CRTC3: variants seen among roughly 807,000 people sequenced by gnomAD.
The protein encoded by CRTC3 is CREB-regulated transcription coactivator 3.
CRTC3 carries 26 observed loss-of-function variants against 74.5 expected under a neutral mutation model. That is an observed-to-expected ratio of 0.35 (90% CI 0.26 to 0.48). CRTC3 has a LOEUF of 0.48. CRTC3 is among the 20% of genes least tolerant of loss of function. CRTC3 has a pLI of 0.99. For synonymous variants in CRTC3, 377 were observed against 325.8 expected, an observed-to-expected ratio of 1.16 and a Z score of -1.69; for missense variants, 760 against 787.3, an observed-to-expected ratio of 0.97 and a Z score of 0.41.
At chr15:90,573,157 G>T (rs1324322964) in intron 2 of CRTC3, among the ~76,000 whole-genome samples, 2 of 152,114 alleles carry the variant, frequency 1.3e-5, no homozygotes, top group Admixed American at 1.3e-4. Context: ...CACACTATTT[G>T]TCTTTTTGTA....
chr15:90,598,111 C>T (rs980157184), intron 3 of CRTC3: 6 of 287,652 alleles, frequency 2.1e-5, no homozygotes, highest in Middle Eastern at 1.1e-3. Flanking sequence ...TCAGGCCTGC[C>T]CCACAAACTG....
intron 2 of CRTC3, among the ~76,000 whole-genome samples, chr15:90,591,059 A>T (rs1967787867): frequency 6.6e-6 from 1 of 151,680 alleles, no homozygotes; most frequent in African/African-American, 2.4e-5. Flanking sequence ...GGTTCAAGTG[A>T]TCCTCCTGCC....
At chr15:90,607,115 C>T (rs1313419827) in intron 5 of CRTC3, among the ~76,000 whole-genome samples, 3 of 152,146 alleles carry the variant, frequency 2.0e-5, no homozygotes, top group African/African-American at 7.2e-5. Context: ...CCGAGGCCCA[C>T]CTTGTTGAAC....
chr15:90,558,736 A>G (rs1219511056), intron 2 of CRTC3, among the ~76,000 whole-genome samples: 1 of 151,660 alleles, frequency 6.6e-6, no homozygotes, highest in Non-Finnish European at 1.5e-5. Flanking sequence ...AGTATACTAT[A>G]TATATATATA....
intron 3 of CRTC3, chr15:90,598,600 G>C: frequency 5.8e-6 from 4 of 693,676 alleles, no homozygotes; most frequent in East Asian, 2.7e-5. Flanking sequence ...GTGGACGGTG[G>C]CCTCACTAAA....
chr15:90,554,554 A>G (rs1966873595), intron 2 of CRTC3, among the ~76,000 whole-genome samples: 1 of 152,142 alleles, frequency 6.6e-6, no homozygotes, highest in Admixed American at 6.5e-5. Context: ...CACTGCTGTA[A>G]TTCCTTCTGC....
intron 14 of CRTC3, 46 bp downstream of exon 14, chr15:90,641,245 T>G: frequency 7.9e-7 from 1 of 1,260,658 alleles, no homozygotes; most frequent in East Asian, 2.3e-5. Context: ...TATGTTGTTG[T>G]GTGTTCAGGA....
chr15:90,550,102 T>G (rs1177395621), intron 2 of CRTC3, among the ~76,000 whole-genome samples: 1 of 151,880 alleles, frequency 6.6e-6, no homozygotes, highest in Non-Finnish European at 1.5e-5. Context: ...ACTCTTGGCC[T>G]AGGATGACTT....
intron 3 of CRTC3, chr15:90,595,342 G>A (rs1006010787): frequency 1.3e-5 from 2 of 152,204 alleles, no homozygotes; most frequent in Non-Finnish European, 2.9e-5. Context: ...GGAGGCCGAG[G>A]TGGGCAGATC....
chr15:90,533,221 G>C (rs946915373), intron 1 of CRTC3, among the ~76,000 whole-genome samples: 1 of 148,218 alleles, frequency 6.7e-6, no homozygotes, highest in Non-Finnish European at 1.5e-5. Context: ...GGCTAACACA[G>C]TGAAACCCTG....
In CRTC3 at chr15:90,641,942, C is replaced by T; in HGVS notation, c.1662C>T (p.Ser554=). ...GGCCACTCCTTTCAGAAGACTCCAG[C>T]ACCAGCCTGTTCAAAGACCTCAACA... ...LPNTILPEDS[S]TSLFKDLNSA... is the part of the protein sequence containing the mutation. Residue 554 remains serine (S), a synonymous_variant, in exon 15 of 15, where the codon AGC becomes AGT. Transcript: ENST00000268184. 1 of 1,613,372 alleles carries T rather than the reference C, an allele frequency of 6.2e-7. No individual in the cohort carries two copies. The highest frequency in any genetic ancestry group is 8.5e-7 in the Non-Finnish European group (1 of 1,179,822).
intron 6 of CRTC3, 51 bp from the exon 7 acceptor site, chr15:90,614,398 AAATG>A (rs752276447): frequency 2.3e-5 from 30 of 1,312,574 alleles, no homozygotes; most frequent in Non-Finnish European, 3.3e-5. Context: ...AAATTCATGA[AAATG>A]AAAGTACCAC....
At chr15:90,563,177 G>A (rs1001858591) in intron 2 of CRTC3, among the ~76,000 whole-genome samples, 1 of 152,084 alleles carries the variant, frequency 6.6e-6, no homozygotes, top group Non-Finnish European at 1.5e-5. Flanking sequence ...GGACTGAGGC[G>A]GGTGGATCAC....
At chr15:90,533,298 G>A (rs1182629334) in intron 1 of CRTC3, among the ~76,000 whole-genome samples, 1 of 151,354 alleles carries the variant, frequency 6.6e-6, no homozygotes, top group Non-Finnish European at 1.5e-5. Context: ...CAGCTACTCG[G>A]GAGGCTGCGG....
At chr15:90,641,251 C>A in intron 14 of CRTC3, 52 bp downstream of exon 14, 1 of 1,185,144 alleles carries the variant, frequency 8.4e-7, no homozygotes, top group Non-Finnish European at 1.3e-6. Flanking sequence ...GTTGTGTGTT[C>A]AGGAACCTTC....
chr15:90,537,350 G>C (rs1966736169), intron 1 of CRTC3, among the ~76,000 whole-genome samples: 1 of 152,180 alleles, frequency 6.6e-6, no homozygotes, highest in African/African-American at 2.4e-5. Flanking sequence ...CCACACGGGA[G>C]TTGCAGGTTA....
chr15:90,627,479 C>T (rs2151091884), intron 10 of CRTC3, among the ~76,000 whole-genome samples: 1 of 152,210 alleles, frequency 6.6e-6, no homozygotes. Flanking sequence ...TCCTTTGGGT[C>T]TCAGGGAAGC....
chr15:90,558,769 T>TGA (rs1443753574), intron 2 of CRTC3, among the ~76,000 whole-genome samples: 1 of 151,976 alleles, frequency 6.6e-6, no homozygotes, highest in Non-Finnish European at 1.5e-5. Context: ...TATTTTTTTT[T>TGA]GAGACTGAGT....
chr15:90,616,165 C>T (rs1266528508), intron 7 of CRTC3, among the ~76,000 whole-genome samples: 1 of 152,098 alleles, frequency 6.6e-6, no homozygotes, highest in Admixed American at 6.6e-5. Flanking sequence ...ACAAAATACG[C>T]TCTTCAAAAG....
Sources: gnomAD v4.1 joint callset for allele counts (sites outside exome capture counted in the v4.1 genomes callset) on GRCh38, gnomAD v4.1.1 for gene constraint, MANE v1.5 for transcripts, NCBI Gene and HGNC (gene_info 2026-07-23, HGNC 2026-07-21) for gene names.